The following CFH variants were observed in gnomAD, a reference collection of about 807,000 sequenced individuals.
The protein encoded by CFH is H factor 1 (complement).
Under a neutral mutation model 147.3 loss-of-function variants are expected in CFH, and 53 were observed. The ratio of observed to expected loss-of-function variants is 0.36; its 90% CI spans 0.29 to 0.45. The LOEUF (loss-of-function observed/expected upper bound fraction) is 0.45, where lower values mean the gene tolerates loss of function less well. Ranked by LOEUF, CFH falls within the 20% of genes least tolerant of loss-of-function variation. CFH has a pLI of 1.00. For missense variants in CFH, 1,380 were observed against 1,498.0 expected (o/e 0.92, Z 1.30); for synonymous variants, 536 against 489.4 (o/e 1.10, Z -1.26).
Position 196,677,577 on chromosome 1 carries a change from G to T in CFH, c.529G>T (p.Val177Leu). 6 of 1,613,374 alleles carry T rather than the reference G, an allele frequency of 3.7e-6. No individual in the cohort carries two copies. Among genetic ancestry groups the T allele is most frequent in the Middle Eastern group, 1.7e-4 (1 of 6,054 alleles). Residue 177 changes from valine (V) to leucine (L), a missense_variant, in exon 5 of 22, where the codon GTA becomes TTA. This residue lies in a region of CFH where 260 missense variants were observed against 263.3 expected (regional missense o/e 0.99). Transcript: ENST00000367429. ...CCATTTTGGACAAGCAGTACGGTTT[G>T]TATGTAACTCAGGCTACAAGATTGA... The part of the protein sequence containing the change: ...EYHFGQAVRF[V>L]CNSGYKIEGD...
chr1:196,698,671 T>C (rs1668360050), intron 9 of CFH, among the ~76,000 whole-genome samples: 1 of 152,114 alleles, frequency 6.6e-6, no homozygotes, highest in Non-Finnish European at 1.5e-5. Flanking sequence ...TACCATTCCT[T>C]TGGAAACTAT....
chr1:196,706,093 C>T (rs1668576706), intron 9 of CFH, among the ~76,000 whole-genome samples: 1 of 151,696 alleles, frequency 6.6e-6, no homozygotes, highest in African/African-American at 2.4e-5. Flanking sequence ...TGTGACAGAT[C>T]CTAGATGCAG....
intron 1 of CFH, among the ~76,000 whole-genome samples, chr1:196,663,938 G>A (rs761859324): frequency 9.9e-5 from 15 of 152,122 alleles, no homozygotes; most frequent in Non-Finnish European, 2.1e-4. Flanking sequence ...AAAAAAATTG[G>A]CTGCCTGTTT....
At chr1:196,675,393 T>G (rs1667420924) in intron 3 of CFH, among the ~76,000 whole-genome samples, 1 of 152,120 alleles carries the variant, frequency 6.6e-6, no homozygotes, top group Admixed American at 6.6e-5. Flanking sequence ...TGGAGGCAAG[T>G]GCTGAAAGTA....
intron 10 of CFH, among the ~76,000 whole-genome samples, chr1:196,714,719 A>AGAGAGAGC: frequency 8.4e-6 from 1 of 119,576 alleles, no homozygotes; most frequent in South Asian, 2.8e-4. Flanking sequence ...AGAGAGAGAG[A>AGAGAGAGC]TGGAGTCTTG....
At chr1:196,736,422 T>A (rs990822726) in intron 15 of CFH, among the ~76,000 whole-genome samples, 4 of 152,122 alleles carry the variant, frequency 2.6e-5, no homozygotes, top group Non-Finnish European at 5.9e-5. Context: ...TTTAATCCAA[T>A]CCTGATACAT....
At chr1:196,732,592 T>G (rs1669305123) in intron 15 of CFH, among the ~76,000 whole-genome samples, 1 of 152,090 alleles carries the variant, frequency 6.6e-6, no homozygotes, top group Admixed American at 6.6e-5. Flanking sequence ...TTTCTCAGTC[T>G]TATCAGACTG....
At chr1:196,678,023 T>C (rs1667516548) in intron 5 of CFH, 2 of 285,058 alleles carry the variant, frequency 7.0e-6, no homozygotes, top group Non-Finnish European at 1.4e-5. Flanking sequence ...TAGTTGTCTC[T>C]TAGGTTGAAA....
Position 196,728,333 on chromosome 1 carries a change from A to G in CFH, c.2237-13A>G. 7.3e-7 allele frequency: 1 copy of G among 1,372,878 alleles called. No homozygotes were observed. 85.0% of individuals were successfully genotyped at this position (1,372,878 alleles called of 1,614,324 possible). A position where few individuals can be genotyped will look rare whatever the true frequency, so the allele number is the denominator to read the frequency against. On this transcript the variant is annotated splice_polypyrimidine_tract_variant and intron_variant, in intron 14 of 21. Coordinates refer to ENST00000367429, the MANE Select transcript of CFH (RefSeq NM_000186.4). ...ATCATTTGAATTTTCATAAAAATAT[A>G]TTTATTTTATAGCAATAGATAAACT...
At chr1:196,669,665 T>A (rs558905380) in intron 1 of CFH, among the ~76,000 whole-genome samples, 1 of 152,128 alleles carries the variant, frequency 6.6e-6, no homozygotes, top group Non-Finnish European at 1.5e-5. Flanking sequence ...TGTATATAAG[T>A]GCTTAGATGT....
intron 1 of CFH, among the ~76,000 whole-genome samples, chr1:196,671,347 T>A (rs899298340): frequency 1.3e-5 from 2 of 152,080 alleles, no homozygotes; most frequent in African/African-American, 4.8e-5. Flanking sequence ...TATCTTTTAA[T>A]TTTTATTCAA....
At chr1:196,725,381 C>T (rs1669111990) in intron 12 of CFH, 84 bp downstream of exon 12, 1 of 1,317,150 alleles carries the variant, frequency 7.6e-7, no homozygotes, top group East Asian at 2.3e-5. Context: ...TTTGGGCTCC[C>T]ATTGCCTGTA....
At chr1:196,670,827 G>A (rs1194115182) in intron 1 of CFH, among the ~76,000 whole-genome samples, 2 of 152,052 alleles carry the variant, frequency 1.3e-5, no homozygotes, top group Non-Finnish European at 2.9e-5. Context: ...TTGATTTTGT[G>A]AGCTGATTTC....
At chr1:196,686,315 G>T (rs955031734) in intron 7 of CFH, among the ~76,000 whole-genome samples, 1 of 152,028 alleles carries the variant, frequency 6.6e-6, no homozygotes, top group African/African-American at 2.4e-5. Context: ...TCCAAGGGGA[G>T]AGAAATTAGG....
chr1:196,718,012 GA>G (rs1164241009), intron 11 of CFH, among the ~76,000 whole-genome samples: 3 of 152,110 alleles, frequency 2.0e-5, no homozygotes, highest in African/African-American at 7.2e-5. Flanking sequence ...GGAGGAGGAA[GA>G]GTACTAGGTA....
chr1:196,685,292 A>G (rs1667789270), intron 7 of CFH, 55 bp downstream of exon 7: 2 of 1,569,678 alleles, frequency 1.3e-6, no homozygotes, highest in Admixed American at 1.7e-5. Flanking sequence ...TCTTTTAAAC[A>G]CATAAAAAAT....
At position 196,679,832 on chromosome 1, in the gene CFH, T is replaced by C. The variant is rs759036630; in HGVS notation, c.790+39T>C. 3.3e-6 allele frequency: 5 copies of C among 1,535,642 alleles called. No individual in the cohort carries two copies. In the Admixed American group the frequency reaches 6.8e-5, roughly 21 times the overall value. ...TATTTTCTGGATCTTTATAAATTTA[T>C]CACATATTTTAATTAATTCTTTTAA... is the stretch of plus-strand genomic sequence containing the variant. On this transcript the variant is annotated intron_variant, in intron 6 of 21. Coordinates refer to ENST00000367429, the MANE Select transcript of CFH (RefSeq NM_000186.4).
At chr1:196,695,858 C>T (rs1006867817) in intron 9 of CFH, among the ~76,000 whole-genome samples, 1 of 152,072 alleles carries the variant, frequency 6.6e-6, no homozygotes, top group Non-Finnish European at 1.5e-5. Flanking sequence ...ATTTTGCATC[C>T]TGAGACTTTC....
chr1:196,724,104 T>C (rs572030896), intron 11 of CFH, among the ~76,000 whole-genome samples: 1 of 152,182 alleles, frequency 6.6e-6, no homozygotes, highest in East Asian at 1.9e-4. Context: ...GGAAAGTGAA[T>C]GCTACAGTCT....
Sources: allele counts gnomAD v4.1 joint callset (sites outside exome capture counted in the v4.1 genomes callset), GRCh38; gene constraint gnomAD v4.1.1; regional missense constraint gnomAD v4.1.1; transcripts MANE v1.5; gene names NCBI Gene and HGNC (gene_info 2026-07-23, HGNC 2026-07-21).